The following PLCE1 variants were observed in gnomAD, a reference collection of about 807,000 sequenced individuals.
The protein encoded by PLCE1 is phospholipase C epsilon 1.
PLCE1 carries 119 observed loss-of-function variants against 242.8 expected under a neutral mutation model. The observed-to-expected ratio is 0.49, with a 90% CI of 0.42 to 0.57. The LOEUF (loss-of-function observed/expected upper bound fraction) is 0.57, where lower values mean the gene tolerates loss of function less well. PLCE1 is among the 20% of genes least tolerant of loss of function. The pLI, the probability that PLCE1 is intolerant of heterozygous loss-of-function variation, is 0.00. For missense variants in PLCE1, 2,441 were observed against 2,788.8 expected (o/e 0.88, Z 2.81); for synonymous variants, 945 against 1,017.4 (o/e 0.93, Z 1.35).
At chr10:94,132,819 G>T (rs925264849) in intron 3 of PLCE1, among the ~76,000 whole-genome samples, 2 of 152,116 alleles carry the variant, frequency 1.3e-5, no homozygotes, top group South Asian at 4.2e-4. Flanking sequence ...GGGTGGTGGC[G>T]GGCGCCTGTT....
At chr10:94,162,967 TG>T (rs1346323861) in intron 3 of PLCE1, among the ~76,000 whole-genome samples, 4 of 152,224 alleles carry the variant, frequency 2.6e-5, no homozygotes, top group Non-Finnish European at 5.9e-5. Flanking sequence ...TGAGTGGTTT[TG>T]AGTGAGTTTC....
At chr10:94,214,745 T>TG (rs899162852) in intron 4 of PLCE1, among the ~76,000 whole-genome samples, 1 of 152,186 alleles carries the variant, frequency 6.6e-6, no homozygotes, top group African/African-American at 2.4e-5. Flanking sequence ...AGTGAAAAAG[T>TG]GACTTGCGGG....
At chr10:94,186,819 T>G (rs2048493504) in intron 4 of PLCE1, among the ~76,000 whole-genome samples, 1 of 152,262 alleles carries the variant, frequency 6.6e-6, no homozygotes. Context: ...ATTTGACAAT[T>G]AGCTACTTGA....
intron 4 of PLCE1, among the ~76,000 whole-genome samples, chr10:94,202,662 G>A (rs1352467977): frequency 6.6e-6 from 1 of 152,202 alleles, no homozygotes; most frequent in Non-Finnish European, 1.5e-5. Flanking sequence ...TGATGACAGT[G>A]TAAGGAAACC....
At position 94,082,161 on chromosome 10, in the gene PLCE1, C is replaced by T. The variant is rs2044671283; in HGVS notation, c.1206+49909C>T. On this transcript the variant is annotated intron_variant, in intron 2 of 32. Transcript: ENST00000371380. ...ACAAGTAACTGCAATGCCTTCCTTC[C>T]CAGCCTCTCTCCATGAAAAAGCTGA... The T allele has an allele frequency of 3.3e-5, 5 of 152,110 alleles. No individual in the cohort carries two copies. The South Asian group carries it at 1.0e-3, about 32-fold the overall frequency. 9.4% of individuals were successfully genotyped at this position (152,110 alleles called of 1,614,324 possible).
chr10:94,234,064 G>C lies in PLCE1; in HGVS notation c.1966G>C (p.Val656Leu), dbSNP rs1475640405. 1 of 1,613,676 alleles carries C rather than the reference G, an allele frequency of 6.2e-7. No individual in the cohort carries two copies. The highest frequency in any genetic ancestry group is 2.2e-5 in the East Asian group (1 of 44,860). ...EFLAGLRSRK[V>L]LKMWQFMDQS... is the part of the protein sequence containing the mutation. The stretch of plus-strand genomic sequence containing the variant: ...ATTTACTTGCAATAGGTCAAGAAAA[G>C]TTTTAAAAATGTGGCAGTTCATGGA... Residue 656 changes from valine (V) to leucine (L), a missense_variant, in exon 6 of 33, where the codon GTT (valine) becomes CTT (leucine). Val to Leu is a conservative substitution (Grantham distance 32). Around this residue, in one of 5 missense-constraint regions of PLCE1, gnomAD observed 733 missense variants for 754.2 expected, o/e 0.97. Transcript: ENST00000371380.
chr10:94,077,547 G>A (rs1018923580), intron 2 of PLCE1, among the ~76,000 whole-genome samples: 5 of 152,112 alleles, frequency 3.3e-5, no homozygotes, highest in African/African-American at 1.2e-4. Flanking sequence ...ATCGCTTAAG[G>A]CTAGCAGTTT....
chr10:94,212,190 G>A (rs1204599196), intron 4 of PLCE1, among the ~76,000 whole-genome samples: 2 of 152,040 alleles, frequency 1.3e-5, no homozygotes, highest in Non-Finnish European at 2.9e-5. Context: ...AGGTTCAAAC[G>A]ATTCTCCTGC....
chr10:94,304,707 G>A, intron 25 of PLCE1, 62 bp downstream of exon 25: 1 of 1,519,764 alleles, frequency 6.6e-7, no homozygotes, highest in Non-Finnish European at 9.1e-7. Flanking sequence ...AAAACGAACT[G>A]GTTTTGAATT....
intron 1 of PLCE1, among the ~76,000 whole-genome samples, chr10:94,007,703 T>C (rs906695473): frequency 5.7e-5 from 8 of 139,754 alleles, no homozygotes; most frequent in South Asian, 2.4e-4. Context: ...TACTTTCTTT[T>C]TTTTTTTTTT....
At chr10:94,097,124 T>C (rs531485135) in intron 2 of PLCE1, among the ~76,000 whole-genome samples, 6 of 152,228 alleles carry the variant, frequency 3.9e-5, no homozygotes, top group Non-Finnish European at 5.9e-5. Flanking sequence ...ACCAAGTTCA[T>C]GTGTAGTCAG....
At chr10:94,101,553 A>G (rs2045536804) in intron 2 of PLCE1, among the ~76,000 whole-genome samples, 1 of 152,214 alleles carries the variant, frequency 6.6e-6, no homozygotes, top group Non-Finnish European at 1.5e-5. Context: ...GAGGAAGAGG[A>G]GAAAACCCCC....
At chr10:94,256,102 A>T (rs941461405) in intron 11 of PLCE1, among the ~76,000 whole-genome samples, 1 of 151,640 alleles carries the variant, frequency 6.6e-6, no homozygotes, top group African/African-American at 2.4e-5. Flanking sequence ...GGGAAGGAGG[A>T]TCACTTGAGC....
At position 94,087,695 on chromosome 10, in the gene PLCE1, G is replaced by A. The variant is rs147142976; in HGVS notation, c.1207-44479G>A. Among the ~76,000 whole-genome samples the A allele has an allele frequency of 7.3e-3, 1,109 of 152,124 alleles. 10 individuals carry two copies. Among genetic ancestry groups the A allele is most frequent in the African/African-American group, 0.026 (1,063 of 41,514 alleles). On this transcript the variant is annotated intron_variant, in intron 2 of 32. Coordinates refer to ENST00000371380, the MANE Select transcript of PLCE1 (RefSeq NM_016341.4). Reference sequence around the variant, plus strand: ...TGACCTCAAGCCATCCTCCCACTTCGTCCTCCCAAAGTGTTGGGATTACAG... The same window carrying A: ...TGACCTCAAGCCATCCTCCCACTTCATCCTCCCAAAGTGTTGGGATTACAG...
chr10:94,026,276 G>A (rs1489253425), intron 1 of PLCE1, among the ~76,000 whole-genome samples: 1 of 151,900 alleles, frequency 6.6e-6, no homozygotes, highest in Non-Finnish European at 1.5e-5. Flanking sequence ...CGACTTCCTG[G>A]CCAGTCATTT....
At chr10:94,033,719 G>C (rs1011594822) in intron 2 of PLCE1, among the ~76,000 whole-genome samples, 2 of 152,060 alleles carry the variant, frequency 1.3e-5, no homozygotes, top group African/African-American at 2.4e-5. Flanking sequence ...ACAGTGCCAT[G>C]TGCCATCTTG....
chr10:94,066,073 G>A lies in PLCE1; in HGVS notation c.1206+33821G>A, dbSNP rs541857702. On this transcript the variant is annotated intron_variant, in intron 2 of 32. Coordinates refer to ENST00000371380, the MANE Select transcript of PLCE1 (RefSeq NM_016341.4). ...ATCTATAAAACAATCTATACTCTCA[G>A]GGGGAGGAGAAGAGGCACAAAAATC... is the stretch of plus-strand genomic sequence containing the variant. Among the ~76,000 whole-genome samples, 9 of 151,842 alleles carry A rather than the reference G, an allele frequency of 5.9e-5. No individual in the cohort carries two copies. The East Asian group carries it at 1.7e-3, about 29-fold the overall frequency.
At chr10:94,199,572 A>G (rs1055691658) in intron 4 of PLCE1, among the ~76,000 whole-genome samples, 10 of 152,216 alleles carry the variant, frequency 6.6e-5, no homozygotes, top group South Asian at 2.1e-4. Flanking sequence ...CATGAGCTAG[A>G]TGTTTCATTT....
In PLCE1 at chr10:94,239,537, C is replaced by T. The variant is rs902679646; in HGVS notation, c.2420+3417C>T. On this transcript the variant is annotated intron_variant, in intron 7 of 32. Transcript: ENST00000371380. The stretch of plus-strand genomic sequence containing the variant: ...TCTTTCCTTTATAATTACCCAAACT[C>T]GGGCAGTTCTTTATAACAGTGTGAA... Among the ~76,000 whole-genome samples the T allele has an allele frequency of 5.9e-5, 9 of 152,284 alleles. No homozygotes were observed. In the South Asian group the frequency reaches 6.2e-4, roughly 11 times the overall value.
Sources: gnomAD v4.1 joint callset for allele counts (sites outside exome capture counted in the v4.1 genomes callset) on GRCh38, gnomAD v4.1.1 for gene constraint, gnomAD v4.1.1 regional missense constraint, MANE v1.5 for transcripts, NCBI Gene and HGNC (gene_info 2026-07-23, HGNC 2026-07-21) for gene names.